The following TLE2 variants were observed in gnomAD, a reference collection of about 807,000 sequenced individuals.
The protein encoded by TLE2 is transducin-like enhancer protein 2.
TLE2 carries 74 observed loss-of-function variants against 97.2 expected under a neutral mutation model. The observed-to-expected ratio is 0.76, with a 90% confidence interval of 0.63 to 0.92. TLE2 has a LOEUF of 0.92. TLE2 is among the 40% of genes least tolerant of loss of function. The pLI is 0.00. For synonymous variants in TLE2, 499 were observed against 432.1 expected (o/e 1.15, Z -1.92); for missense variants, 1,038 against 1,008.7 (o/e 1.03, Z -0.39).
chr19:3,011,097 A>C lies in TLE2; in HGVS notation c.937T>G (p.Ser313Ala). The change falls in exon 12 of 20, where the codon TCC (serine) becomes GCC (alanine). Residue 313 changes from serine (S) to alanine (A), a missense_variant. By Grantham distance (99) the Ser-to-Ala change is moderately conservative (BLOSUM62 1). Transcript: ENST00000262953. ...SCDSSPPQDA[S>A]TPGPSSASHL... Reference sequence around the variant, plus strand: ...CTGGCCGAGCTGGGCCCGGGGGTGGAAGCGTCCTGGGGCGGGGAGGAGTCA... The same window carrying C: ...CTGGCCGAGCTGGGCCCGGGGGTGGCAGCGTCCTGGGGCGGGGAGGAGTCA... The C allele has an allele frequency of 4.3e-6, 7 of 1,611,134 alleles. No individual in the cohort carries two copies. Among genetic ancestry groups the C allele is most frequent in the Non-Finnish European group, 5.9e-6 (7 of 1,179,286 alleles).
Position 3,009,843 on chromosome 19 carries a change from C to T in TLE2, c.1013-141G>A. 6.6e-6 allele frequency: 6 copies of T among 914,884 alleles called. 1 individual carries two copies. The South Asian group carries it at 9.7e-5, about 15-fold the overall frequency. 56.7% of individuals were successfully genotyped at this position (914,884 alleles called of 1,614,324 possible). A position where few individuals can be genotyped will look rare whatever the true frequency, so the allele number is the denominator to read the frequency against. On this transcript the variant is annotated intron_variant, in intron 12 of 19. Transcript: ENST00000262953. ...GGCCATAGCCTGGGACACCTCCAGA[C>T]CTCTGCACTATCGTTCCTCCAGTGG...
Position 3,029,171 on chromosome 19 carries a change from C to T in TLE2, c.-267G>A. 3 of 799,018 alleles carry T rather than the reference C, an allele frequency of 3.8e-6. No homozygotes were observed. Among genetic ancestry groups the T allele is most frequent in the Non-Finnish European group, 3.0e-6 (2 of 662,552 alleles). 49.5% of individuals were successfully genotyped at this position (799,018 alleles called of 1,614,324 possible). A position where few individuals can be genotyped will look rare whatever the true frequency, so the allele number is the denominator to read the frequency against. On this transcript the variant is annotated 5_prime_UTR_variant, in exon 1 of 20. Transcript: ENST00000262953. Reference sequence around the variant, plus strand: ...GGCCGGGGCGGGAGCGCGGCGAGGGCGGCCGCGGCAGCCGGCGCAGAAGGT... The same window carrying T: ...GGCCGGGGCGGGAGCGCGGCGAGGGTGGCCGCGGCAGCCGGCGCAGAAGGT...
chr19:3,002,450 C>A lies in TLE2; in HGVS notation c.1950G>T (p.Glu650Asp). The change falls in exon 18 of 20, where the codon GAG becomes GAT. Residue 650 changes from glutamate to aspartate, a missense_variant. Physicochemically the swap from Glu to Asp is conservative, Grantham distance 45 (BLOSUM62 2). Coordinates refer to ENST00000262953, the MANE Select transcript of TLE2 (RefSeq NM_003260.5). ...CGTGCAGGATCTCCACGTTGCTACT[C>A]TCCATTCCGACCGCCAGCCAGTCCT... ...PNQDWLAVGMESSNVEILHVR... is the reference protein window; with the variant it reads ...PNQDWLAVGMDSSNVEILHVR... 1.9e-6 allele frequency: 3 copies of A among 1,608,268 alleles called. No homozygotes were observed. The highest frequency in any genetic ancestry group is 2.5e-6 in the Non-Finnish European group (3 of 1,177,638).
rs570793096 is a variant in TLE2, at chr19:3,019,147, C to G, written c.550+136G>C. 2.1e-3 allele frequency: 2,666 copies of G among 1,294,014 alleles called. 7 individuals are homozygous for G. Among genetic ancestry groups the G allele is most frequent in the Non-Finnish European group, 2.5e-3 (2,422 of 952,098 alleles). 80.2% of individuals were successfully genotyped at this position (1,294,014 alleles called of 1,614,324 possible). A position where few individuals can be genotyped will look rare whatever the true frequency, so the allele number is the denominator to read the frequency against. The stretch of plus-strand genomic sequence containing the variant: ...TCCTGGGCTCAAGCGATCCTCCCGC[C>G]TCGGCCTCCCAAATTGTTGGGATTA... On this transcript the variant is annotated intron_variant, in intron 7 of 19. Coordinates refer to ENST00000262953, the MANE Select transcript of TLE2 (RefSeq NM_003260.5). This position sits in a 1 kb window ranked among gnomAD's most constrained non-coding sequence, Gnocchi z 5.1.
rs776453267 is a variant in TLE2 at position 3,009,634 on chromosome 19, G to C, written c.1081C>G (p.Leu361Val). The C allele has an allele frequency of 6.2e-7, 1 of 1,613,334 alleles. No individual in the cohort carries two copies. Among genetic ancestry groups the C allele is most frequent in the Admixed American group, 1.7e-5 (1 of 59,910 alleles). The change falls in exon 13 of 20, where the codon CTC becomes GTC. Residue 361 changes from leucine to valine, a missense_variant. Coordinates refer to ENST00000262953, the MANE Select transcript of TLE2 (RefSeq NM_003260.5). ...CTGGGCACGGAGAGGTCTCCGTTGA[G>C]AGTGCTGTGGGAGCCCAGGCTGAAG... Reference protein sequence around the residue: ...TSFSLGSHSTLNGDLSVPSSY... With the variant: ...TSFSLGSHSTVNGDLSVPSSY...
chr19:3,003,277 A>C (rs1003577665), intron 17 of TLE2, among the ~76,000 whole-genome samples: 2 of 151,862 alleles, frequency 1.3e-5, no homozygotes, highest in South Asian at 4.2e-4. Flanking sequence ...AAGGACAATC[A>C]CTCCCCTTAA....
At position 3,008,850 on chromosome 19, in the gene TLE2, G is replaced by A. The variant is rs747376914; in HGVS notation, c.1250+19C>T. 3 of 1,539,726 alleles carry A rather than the reference G, an allele frequency of 1.9e-6. No homozygotes were observed. Among genetic ancestry groups the A allele is most frequent in the Non-Finnish European group, 1.8e-6 (2 of 1,140,072 alleles). ...GCTGGCCCGGGACCCCAGGCAGGGA[G>A]CCCCACCCTGGTACTCACGGCTTTC... On this transcript the variant is annotated intron_variant, in intron 14 of 19. Transcript: ENST00000262953.
chr19:3,000,033 C>CA (rs974743198), intron 19 of TLE2, among the ~76,000 whole-genome samples: 12 of 145,288 alleles, frequency 8.3e-5, no homozygotes, highest in South Asian at 2.2e-4. Flanking sequence ...ATTCTGTCTC[C>CA]AAAAAAAAAG....
chr19:3,028,582 TG>T, intron 2 of TLE2, 123 bp downstream of exon 2: 1 of 1,161,032 alleles, frequency 8.6e-7, no homozygotes, highest in Non-Finnish European at 1.2e-6. Context: ...CGCTTCCACC[TG>T]GAGGCCTTTG....
chr19:3,007,223 G>T (rs1253230443), intron 14 of TLE2, among the ~76,000 whole-genome samples: 3 of 152,106 alleles, frequency 2.0e-5, no homozygotes, highest in Non-Finnish European at 4.4e-5. Flanking sequence ...AAGGAGCTGG[G>T]ATTACAGGTG....
intron 5 of TLE2, among the ~76,000 whole-genome samples, chr19:3,021,123 G>GA (rs1482349948): frequency 8.9e-6 from 1 of 112,838 alleles, no homozygotes; most frequent in Admixed American, 9.4e-5. Flanking sequence ...AAGGGGGGGG[G>GA]GTGCTGAGCG....
In TLE2 at chr19:2,997,864, T is replaced by C. The variant is rs1446894651; in HGVS notation, c.2216A>G (p.Tyr739Cys). The change falls in exon 20 of 20, where the codon TAT becomes TGT. Residue 739 changes from tyrosine (Y) to cysteine (C), a missense_variant. By Grantham distance (194) the Tyr-to-Cys change is radical. Coordinates refer to ENST00000262953, the MANE Select transcript of TLE2 (RefSeq NM_003260.5). ...TGSGDKKATVYEVVY is the reference protein window; with the variant it reads ...TGSGDKKATVCEVVY ...GGTCATGTCTCAGTAGACCACCTCA[T>C]ACACGGTGGCCTTCTTGTCCCCCGA... 1 of 1,609,856 alleles carries C rather than the reference T, an allele frequency of 6.2e-7. No homozygotes were observed. Among genetic ancestry groups the C allele is most frequent in the Non-Finnish European group, 8.5e-7 (1 of 1,178,070 alleles).
intron 1 of TLE2, among the ~76,000 whole-genome samples, chr19:3,039,092 G>A (rs972115028): frequency 6.0e-5 from 9 of 149,236 alleles, no homozygotes; most frequent in East Asian, 3.9e-4. Flanking sequence ...GTGTGGTGGC[G>A]GGCACCTGTA....
chr19:3,003,229 AGAGGAGG>A (rs1246477778), intron 17 of TLE2, among the ~76,000 whole-genome samples: 3 of 152,118 alleles, frequency 2.0e-5, no homozygotes, highest in Non-Finnish European at 2.9e-5. Context: ...GAGGAGGGAG[AGAGGAGG>A]GAGGAGGGAC....
rs757964631 is a variant in TLE2 at position 3,009,619 on chromosome 19, A to T, written c.1096T>A (p.Ser366Thr). Residue 366 changes from serine to threonine, a missense_variant, in exon 13 of 20, where the codon TCC becomes ACC. Physicochemically the swap from Ser to Thr is moderately conservative, Grantham distance 58. Coordinates refer to ENST00000262953, the MANE Select transcript of TLE2 (RefSeq NM_003260.5). ...GSHSTLNGDL[S>T]VPSSYVSLHL... ...AGGCTGACGTAGGAGCTGGGCACGG[A>T]GAGGTCTCCGTTGAGAGTGCTGTGG... is the stretch of plus-strand genomic sequence containing the variant. 6.2e-7 allele frequency: 1 copy of T among 1,613,344 alleles called. No individual in the cohort carries two copies. Among genetic ancestry groups the T allele is most frequent in the Non-Finnish European group, 8.5e-7 (1 of 1,179,660 alleles).
chr19:3,002,219 C>T (rs1314597607), intron 18 of TLE2, 134 bp downstream of exon 18: 22 of 1,134,882 alleles, frequency 1.9e-5, no homozygotes, highest in Non-Finnish European at 2.4e-5. Flanking sequence ...CTTGTACTAA[C>T]GATTTGCTTT....
chr19:3,025,575 T>C, intron 4 of TLE2: 1 of 986,714 alleles, frequency 1.0e-6, no homozygotes, highest in Non-Finnish European at 1.2e-6. Context: ...TGCCTCCAGG[T>C]GGAGATCTCA....
At chr19:3,001,760 C>T (rs1439639403) in intron 18 of TLE2, among the ~76,000 whole-genome samples, 2 of 149,644 alleles carry the variant, frequency 1.3e-5, no homozygotes, top group African/African-American at 2.5e-5. Flanking sequence ...CACACATCAG[C>T]TACTGTGCCT....
At chr19:3,025,738 G>C (rs2089932339) in intron 4 of TLE2, 12 of 412,746 alleles carry the variant, frequency 2.9e-5, no homozygotes, top group African/African-American at 4.3e-5. Context: ...CAGGTGTGCT[G>C]TGTGTCTGGC....
Sources: allele counts gnomAD v4.1 joint callset (sites outside exome capture counted in the v4.1 genomes callset), GRCh38; gene constraint gnomAD v4.1.1; non-coding constraint Gnocchi (gnomAD v3.1); transcripts MANE v1.5; gene names NCBI Gene and HGNC (gene_info 2026-07-23, HGNC 2026-07-21).